Variants in ETNK1 observed in about 807,000 individuals in gnomAD.
ETNK1 encodes putative protein product of Nbla10396.
Under a neutral mutation model 45.1 loss-of-function variants are expected in ETNK1, and 8 were observed. The observed-to-expected ratio is 0.18, with a 90% CI of 0.10 to 0.32. The LOEUF (loss-of-function observed/expected upper bound fraction) is 0.32. Ranked by LOEUF, ETNK1 falls within the 10% of genes least tolerant of loss-of-function variation. The pLI is 1.00. For synonymous variants in ETNK1, 152 were observed against 151.9 expected (o/e 1.00, Z -0.01); for missense variants, 302 against 430.6 (o/e 0.70, Z 2.64).
chr12:22,673,865 C>T (rs1293636838), intron 6 of ETNK1, among the ~76,000 whole-genome samples: 2 of 152,108 alleles, frequency 1.3e-5, no homozygotes, highest in Non-Finnish European at 1.5e-5. Flanking sequence ...TGCTATATCC[C>T]CATCCCCTAG....
intron 2 of ETNK1, among the ~76,000 whole-genome samples, chr12:22,656,136 T>C (rs1471776144): frequency 6.6e-6 from 1 of 152,210 alleles, no homozygotes; most frequent in Non-Finnish European, 1.5e-5. Flanking sequence ...TTTTAAGTAT[T>C]TACAGTAGAA....
chr12:22,658,962 T>C, intron 2 of ETNK1, 52 bp from the exon 3 acceptor site: 1 of 1,557,360 alleles, frequency 6.4e-7, no homozygotes, highest in Non-Finnish European at 8.7e-7. Context: ...TCAGGAGACA[T>C]GACCTTTATG....
At chr12:22,646,046 G>C (rs944386797) in intron 2 of ETNK1, among the ~76,000 whole-genome samples, 7 of 151,806 alleles carry the variant, frequency 4.6e-5, no homozygotes, top group Admixed American at 1.3e-4. Context: ...GCAGAGTGGA[G>C]GCCGAGAAAG....
At chr12:22,658,964 A>T in intron 2 of ETNK1, 50 bp from the exon 3 acceptor site, 1 of 1,562,690 alleles carries the variant, frequency 6.4e-7, no homozygotes, top group Non-Finnish European at 8.7e-7. Context: ...AGGAGACATG[A>T]CCTTTATGAT....
chr12:22,644,245 A>G (rs767215732), intron 2 of ETNK1: 1 of 1,608,706 alleles, frequency 6.2e-7, no homozygotes, highest in Non-Finnish European at 8.5e-7. Context: ...AGGAAAAACT[A>G]CAAGATGTTT....
chr12:22,683,670 C>T (rs542131989), intron 6 of ETNK1, among the ~76,000 whole-genome samples: 2 of 152,186 alleles, frequency 1.3e-5, no homozygotes, highest in East Asian at 3.9e-4. Flanking sequence ...TACTGTGCTG[C>T]TTGGTATTTT....
chr12:22,636,080 T>C (rs1953652404), intron 1 of ETNK1, among the ~76,000 whole-genome samples: 1 of 152,106 alleles, frequency 6.6e-6, no homozygotes, highest in Non-Finnish European at 1.5e-5. Flanking sequence ...GGAGGATTGC[T>C]TCAGCCTGGG....
chr12:22,625,837 C>A, intron 1 of ETNK1: 1 of 698,452 alleles, frequency 1.4e-6, no homozygotes. Flanking sequence ...AGTGACGGAC[C>A]CATCCACGGG....
At chr12:22,650,301 CTT>C (rs1173354136) in intron 2 of ETNK1, among the ~76,000 whole-genome samples, 3 of 150,608 alleles carry the variant, frequency 2.0e-5, no homozygotes, top group South Asian at 4.2e-4. Flanking sequence ...TTAGCTAGGA[CTT>C]TCAGTACAGT....
In ETNK1 at chr12:22,674,822, T is replaced by A. The variant is rs372906426; in HGVS notation, c.945+1162T>A. Among the ~76,000 whole-genome samples, 16 of 152,358 alleles carry A rather than the reference T, an allele frequency of 1.1e-4. 1 individual carries two copies. The highest frequency in any genetic ancestry group is 3.8e-4 in the African/African-American group (16 of 41,582). Reference sequence around the variant, plus strand: ...GACATTTAAGATTTTTGGGGGATACTGTGACTGTATCTGTACATGGCATTG... The same window carrying A: ...GACATTTAAGATTTTTGGGGGATACAGTGACTGTATCTGTACATGGCATTG... On this transcript the variant is annotated intron_variant, in intron 6 of 7. Transcript: ENST00000266517.
intron 2 of ETNK1, among the ~76,000 whole-genome samples, chr12:22,653,569 C>A (rs982597146): frequency 6.6e-6 from 1 of 152,024 alleles, no homozygotes; most frequent in Non-Finnish European, 1.5e-5. Context: ...TCTTTCACCT[C>A]CTCAATTACG....
chr12:22,640,526 T>C (rs544175096), intron 1 of ETNK1, among the ~76,000 whole-genome samples: 1 of 152,202 alleles, frequency 6.6e-6, no homozygotes, highest in Non-Finnish European at 1.5e-5. Flanking sequence ...TTTTAACATA[T>C]ATTTTAGTCT....
chr12:22,643,557 C>G (rs1297752776), intron 1 of ETNK1, among the ~76,000 whole-genome samples: 1 of 151,982 alleles, frequency 6.6e-6, no homozygotes, highest in Non-Finnish European at 1.5e-5. Context: ...TTAAGGGCAA[C>G]ATGTTAACAT....
At chr12:22,668,511 A>T (rs752415372) in intron 4 of ETNK1, among the ~76,000 whole-genome samples, 15 of 152,196 alleles carry the variant, frequency 9.9e-5, no homozygotes, top group Non-Finnish European at 2.2e-4. Context: ...AGAATAGTTA[A>T]TGCAGATTTT....
chr12:22,631,403 G>A (rs963116423), intron 1 of ETNK1, among the ~76,000 whole-genome samples: 2 of 152,056 alleles, frequency 1.3e-5, no homozygotes, highest in Non-Finnish European at 1.5e-5. Context: ...TCAAACTCCC[G>A]ACCTCAGGTG....
intron 6 of ETNK1, among the ~76,000 whole-genome samples, chr12:22,677,494 G>T (rs987163956): frequency 6.6e-6 from 1 of 152,074 alleles, no homozygotes; most frequent in African/African-American, 2.4e-5. Flanking sequence ...GCTATGCAGG[G>T]TCTTTTTTGG....
intron 2 of ETNK1, among the ~76,000 whole-genome samples, chr12:22,649,581 C>A (rs1382435619): frequency 6.6e-6 from 1 of 152,022 alleles, no homozygotes; most frequent in Non-Finnish European, 1.5e-5. Context: ...TTTGTCTAAT[C>A]TTTTGCAGAT....
intron 5 of ETNK1, 41 bp from the exon 6 acceptor site, chr12:22,673,459 A>T (rs1396436920): frequency 1.3e-6 from 2 of 1,495,652 alleles, no homozygotes; most frequent in Non-Finnish European, 9.1e-7. Flanking sequence ...AGAAGAGTTT[A>T]TGTTTTAAAA....
At chr12:22,633,879 A>T (rs2137519452) in intron 1 of ETNK1, among the ~76,000 whole-genome samples, 1 of 152,130 alleles carries the variant, frequency 6.6e-6, no homozygotes, top group East Asian at 1.9e-4. Flanking sequence ...TTTTATGTAG[A>T]TTATTTTGTA....
Sources: allele counts gnomAD v4.1 joint callset (sites outside exome capture counted in the v4.1 genomes callset), GRCh38; gene constraint gnomAD v4.1.1; transcripts MANE v1.5; gene names NCBI Gene and HGNC (gene_info 2026-07-23, HGNC 2026-07-21).